Variants in PTPRT observed in about 807,000 individuals in gnomAD.
PTPRT encodes the protein protein tyrosine phosphatase receptor type T, also known as receptor-type tyrosine-protein phosphatase T.
Under a neutral mutation model 176.8 loss-of-function variants are expected in PTPRT, and 56 were observed. The observed-to-expected ratio is 0.32, with a 90% CI of 0.26 to 0.40. The LOEUF (loss-of-function observed/expected upper bound fraction) is 0.40. Among genes scored for constraint, PTPRT ranks in the 10% least tolerant of loss-of-function variants. The probability of loss-of-function intolerance (pLI) is 1.00; values close to 1 mark genes in which losing one functional copy is unlikely to be tolerated. For missense variants in PTPRT, 1,540 were observed against 1,908.2 expected (o/e 0.81, Z 3.60); for synonymous variants, 783 against 739.0 (o/e 1.06, Z -0.96).
chr20:42,844,829 G>A (rs192131083), intron 2 of PTPRT, among the ~76,000 whole-genome samples: 263 of 152,272 alleles, frequency 1.7e-3, no homozygotes, highest in African/African-American at 5.8e-3. Flanking sequence ...ATGGGCGTAC[G>A]GGGATTTGGC....
chr20:42,244,641 A>G lies in PTPRT; in HGVS notation c.2312+4046T>C, dbSNP rs115105078. Among the ~76,000 whole-genome samples, 469 of 152,342 alleles carry G rather than the reference A, an allele frequency of 3.1e-3. 5 individuals carry two copies. Among genetic ancestry groups the G allele is most frequent in the African/African-American group, 9.8e-3 (406 of 41,580 alleles). On this transcript the variant is annotated intron_variant, in intron 14 of 30. Transcript: ENST00000373187. ...TTTCCCTATGCATAAGTGCATGGCC[A>G]TGCTTTGAGCTTTAAGGGACCATGT...
chr20:42,419,121 T>C (rs1009074791), intron 9 of PTPRT, among the ~76,000 whole-genome samples: 2 of 152,234 alleles, frequency 1.3e-5, no homozygotes, highest in African/African-American at 2.4e-5. Flanking sequence ...ACAGCTACAA[T>C]GAGCCTGGTT....
At chr20:42,919,799 TTTG>T (rs1568680900) in intron 1 of PTPRT, among the ~76,000 whole-genome samples, 1 of 152,254 alleles carries the variant, frequency 6.6e-6, no homozygotes, top group Non-Finnish European at 1.5e-5. Context: ...GAATGTTCCT[TTTG>T]TTCATTCTTT....
chr20:42,973,105 G>T (rs999340628), intron 1 of PTPRT, among the ~76,000 whole-genome samples: 1 of 151,598 alleles, frequency 6.6e-6, no homozygotes, highest in African/African-American at 2.4e-5. Context: ...TGGTCCAGGG[G>T]AGAGATGGTA....
Position 42,648,781 on chromosome 20 carries a change from A to C in PTPRT, c.1153+29085T>G, listed in dbSNP as rs545382776. ...ATAAAGACATACCTAAGAGTGGGTAATTTCTAAAGGAAAGGGGATTTTTTT... is the reference window on the plus strand; with the variant it reads ...ATAAAGACATACCTAAGAGTGGGTACTTTCTAAAGGAAAGGGGATTTTTTT... On this transcript the variant is annotated intron_variant, in intron 7 of 30. Coordinates refer to ENST00000373187, the MANE Select transcript of PTPRT (RefSeq NM_007050.6). Among the ~76,000 whole-genome samples, 242 of 146,386 alleles carry C rather than the reference A, an allele frequency of 1.7e-3. 2 individuals are homozygous for C. Among genetic ancestry groups the C allele is most frequent in the Non-Finnish European group, 2.8e-3 (191 of 67,322 alleles).
At chr20:42,357,300 C>A (rs2058371074) in intron 9 of PTPRT, among the ~76,000 whole-genome samples, 1 of 152,184 alleles carries the variant, frequency 6.6e-6, no homozygotes, top group South Asian at 2.1e-4. Flanking sequence ...GCCCACGCTG[C>A]CTAAAATATT....
At chr20:43,106,266 C>G (rs2012599716) in intron 1 of PTPRT, among the ~76,000 whole-genome samples, 3 of 152,116 alleles carry the variant, frequency 2.0e-5, no homozygotes, top group Non-Finnish European at 4.4e-5. Flanking sequence ...TCCCAGGAGC[C>G]CTGTAGCCCC....
intron 7 of PTPRT, among the ~76,000 whole-genome samples, chr20:42,651,825 T>C (rs1474985750): frequency 6.6e-6 from 1 of 152,080 alleles, no homozygotes; most frequent in Admixed American, 6.6e-5. Context: ...GGTGGGTGGA[T>C]CATCTGAGGT....
In PTPRT at chr20:42,852,892, C is replaced by T. The variant is rs1258832265; in HGVS notation, c.214+32915G>A. On this transcript the variant is annotated intron_variant, in intron 2 of 30. Transcript: ENST00000373187. ...GTGAACACAAGTTCACTCAGAGTGG[C>T]CAAGAGAATATGACAAATGCAGGTT... 2.0e-5 allele frequency among the ~76,000 whole-genome samples: 3 copies of T among 152,028 alleles called. No individual in the cohort carries two copies. In the East Asian group the frequency reaches 5.8e-4, roughly 29 times the overall value.
chr20:42,209,569 C>T (rs1335354386), intron 15 of PTPRT, among the ~76,000 whole-genome samples: 5 of 152,180 alleles, frequency 3.3e-5, no homozygotes, highest in Admixed American at 2.0e-4. Context: ...AATTCCTTGA[C>T]ACATACACTC....
chr20:42,581,156 T>C (rs772782722), intron 7 of PTPRT, among the ~76,000 whole-genome samples: 1 of 152,122 alleles, frequency 6.6e-6, no homozygotes, highest in Non-Finnish European at 1.5e-5. Context: ...AAGTCTTCCC[T>C]CCTCCCTTCT....
At chr20:42,612,368 G>A (rs1297770208) in intron 7 of PTPRT, among the ~76,000 whole-genome samples, 1 of 152,154 alleles carries the variant, frequency 6.6e-6, no homozygotes, top group African/African-American at 2.4e-5. Flanking sequence ...GGGGAAGAGG[G>A]GAGAAACACC....
chr20:42,620,262 G>C (rs1389143615), intron 7 of PTPRT, among the ~76,000 whole-genome samples: 1 of 150,084 alleles, frequency 6.7e-6, no homozygotes, highest in Non-Finnish European at 1.5e-5. Flanking sequence ...CGGGGGTCAG[G>C]GGTCAGGGAC....
chr20:42,219,941 G>C (rs1388198283), intron 15 of PTPRT, among the ~76,000 whole-genome samples: 1 of 152,134 alleles, frequency 6.6e-6, no homozygotes, highest in African/African-American at 2.4e-5. Context: ...CACCTGGCCT[G>C]GGTCAGCCTA....
At chr20:42,475,905 G>T (rs1360465368) in intron 7 of PTPRT, among the ~76,000 whole-genome samples, 1 of 152,144 alleles carries the variant, frequency 6.6e-6, no homozygotes, top group Admixed American at 6.5e-5. Context: ...TGGGATACAG[G>T]AAAAGCCACT....
At chr20:42,563,656 T>C (rs1161736196) in intron 7 of PTPRT, among the ~76,000 whole-genome samples, 1 of 152,228 alleles carries the variant, frequency 6.6e-6, no homozygotes, top group Non-Finnish European at 1.5e-5. Context: ...AATGGAATTA[T>C]ATGCAGCCAT....
Position 42,648,820 on chromosome 20 carries a change from G to GTTTTTTTT in PTPRT, c.1153+29038_1153+29045dup, listed in dbSNP as rs68036487. ...GGGGATTTTTTTTTTTGGTGTCGTT[G>GTTTTTTTT]TTTTTTTTTTTTTTTTTTGACAGAG... On this transcript the variant is annotated intron_variant, in intron 7 of 30. Transcript: ENST00000373187. Among the ~76,000 whole-genome samples, 110 of 111,838 alleles carry GTTTTTTTT rather than the reference G, an allele frequency of 9.8e-4. No individual in the cohort carries two copies. In the East Asian group the frequency reaches 9.9e-3, roughly 10 times the overall value. 73.4% of individuals were successfully genotyped at this position (111,838 alleles called of 152,430 possible). A position where few individuals can be genotyped will look rare whatever the true frequency, so the allele number is the denominator to read the frequency against.
At chr20:42,324,046 CA>C (rs2145411521) in intron 11 of PTPRT, among the ~76,000 whole-genome samples, 1 of 152,208 alleles carries the variant, frequency 6.6e-6, no homozygotes, top group African/African-American at 2.4e-5. Flanking sequence ...AAGACATTTC[CA>C]CACAAAAACT....
At chr20:42,608,265 A>G (rs1405554579) in intron 7 of PTPRT, among the ~76,000 whole-genome samples, 1 of 152,120 alleles carries the variant, frequency 6.6e-6, no homozygotes, top group Non-Finnish European at 1.5e-5. Context: ...TTGTCTGATG[A>G]ACACACATCA....
Sources: allele counts gnomAD v4.1 joint callset (sites outside exome capture counted in the v4.1 genomes callset), GRCh38; gene constraint gnomAD v4.1.1; transcripts MANE v1.5; gene names NCBI Gene and HGNC (gene_info 2026-07-23, HGNC 2026-07-21).